The following ARHGAP22 variants were observed in gnomAD, a reference collection of about 807,000 sequenced individuals.
ARHGAP22 encodes the protein Rho GTPase activating protein 22.
Under a neutral mutation model 59.1 loss-of-function variants are expected in ARHGAP22, and 48 were observed. The ratio of observed to expected loss-of-function variants is 0.81; its 90% CI spans 0.64 to 1.03. ARHGAP22 has a LOEUF of 1.03. Ranked by LOEUF, ARHGAP22 falls within the 50% of genes least tolerant of loss-of-function variation. The pLI is 0.00. For synonymous variants in ARHGAP22, 445 were observed against 416.4 expected (o/e 1.07, Z -0.84); for missense variants, 1,015 against 958.7 (o/e 1.06, Z -0.78).
At chr10:48,446,013 A>G (rs2045324227), downstream of ARHGAP22, 1 of 279,650 alleles carries the variant, frequency 3.6e-6, no homozygotes. Flanking sequence ...GGCATGAAAA[A>G]TGAGCCAGGT....
chr10:48,598,567 G>T (rs941833231), intron 1 of ARHGAP22, among the ~76,000 whole-genome samples: 2 of 152,124 alleles, frequency 1.3e-5, no homozygotes, highest in Admixed American at 1.3e-4. Flanking sequence ...GGTGGCAGAC[G>T]GGAAACACCA....
intron 1 of ARHGAP22, among the ~76,000 whole-genome samples, chr10:48,649,157 T>C (rs1011527263): frequency 1.3e-5 from 2 of 152,218 alleles, no homozygotes; most frequent in African/African-American, 4.8e-5. Context: ...TTTCTGAATA[T>C]GGCATCCACC....
intron 1 of ARHGAP22, among the ~76,000 whole-genome samples, chr10:48,618,453 A>G (rs1046333468): frequency 6.6e-6 from 1 of 152,090 alleles, no homozygotes; most frequent in African/African-American, 2.4e-5. Flanking sequence ...TCAACAAAAT[A>G]CTAGCAAACC....
intron 3 of ARHGAP22, among the ~76,000 whole-genome samples, chr10:48,484,037 T>C (rs959629994): frequency 4.6e-5 from 7 of 152,216 alleles, no homozygotes; most frequent in African/African-American, 1.7e-4. Context: ...TTTAATACAT[T>C]TGTAGTTGAT....
chr10:48,619,050 C>T (rs1790804857), intron 1 of ARHGAP22, among the ~76,000 whole-genome samples: 1 of 151,842 alleles, frequency 6.6e-6, no homozygotes, highest in African/African-American at 2.4e-5. Context: ...TTTGTATACA[C>T]CAAAAACGAA....
At chr10:48,442,597 C>T (rs1240390884), downstream of ARHGAP22, among the ~76,000 whole-genome samples, 2 of 152,124 alleles carry the variant, frequency 1.3e-5, no homozygotes, top group African/African-American at 4.8e-5. Context: ...GTGCTGACCC[C>T]GAGGCTCCCC....
intron 3 of ARHGAP22, among the ~76,000 whole-genome samples, chr10:48,505,664 G>A (rs2052036587): frequency 6.6e-6 from 1 of 152,200 alleles, no homozygotes; most frequent in Non-Finnish European, 1.5e-5. Context: ...AACCTAGGAT[G>A]GGTGGATGGG....
At chr10:48,493,545 G>A (rs2050625600) in intron 3 of ARHGAP22, 3 of 1,525,166 alleles carry the variant, frequency 2.0e-6, no homozygotes, top group Middle Eastern at 1.9e-4. Flanking sequence ...CACACCTGTT[G>A]GGGTGCAGAA....
chr10:48,552,670 A>G (rs77447244), intron 3 of ARHGAP22, among the ~76,000 whole-genome samples: 2,451 of 152,340 alleles, frequency 0.016, 70 homozygotes, highest in African/African-American at 0.056. Flanking sequence ...CTAATGGCAG[A>G]GACTGACCCC....
chr10:48,613,014 T>G (rs895964663), intron 1 of ARHGAP22, among the ~76,000 whole-genome samples: 11 of 152,362 alleles, frequency 7.2e-5, no homozygotes, highest in African/African-American at 2.6e-4. Flanking sequence ...TGCTGGATGA[T>G]GCCCTCCTAC....
At chr10:48,432,463 G>A in the ARHGAP22 span, among the ~76,000 whole-genome samples, 3 of 151,288 alleles carry the variant, frequency 2.0e-5, no homozygotes, top group Admixed American at 2.0e-4. Context: ...GGTTTTGACC[G>A]CTTTTACCTA....
At chr10:48,474,262 T>C (rs939644552) in intron 4 of ARHGAP22, among the ~76,000 whole-genome samples, 1 of 152,248 alleles carries the variant, frequency 6.6e-6, no homozygotes, top group Non-Finnish European at 1.5e-5. Context: ...TCATGGCTAC[T>C]GTACACAAAT....
At chr10:48,600,243 G>T (rs913096737) in intron 1 of ARHGAP22, among the ~76,000 whole-genome samples, 6 of 152,112 alleles carry the variant, frequency 3.9e-5, no homozygotes, top group African/African-American at 1.4e-4. Context: ...ACTGTTTGTG[G>T]CCTTTAATGT....
chr10:48,430,399 T>C, the ARHGAP22 span: 1 of 152,276 alleles, frequency 6.6e-6, no homozygotes, highest in Non-Finnish European at 1.5e-5. Flanking sequence ...TGGCCGAAGG[T>C]TCTTCTTAAG....
chr10:48,646,962 T>C (rs2062328308), intron 1 of ARHGAP22, among the ~76,000 whole-genome samples: 1 of 152,178 alleles, frequency 6.6e-6, no homozygotes, highest in African/African-American at 2.4e-5. Flanking sequence ...AGCCACAGAC[T>C]AGGAGAAAAT....
At chr10:48,448,312 T>C (rs950252350) in intron 9 of ARHGAP22, among the ~76,000 whole-genome samples, 1 of 152,178 alleles carries the variant, frequency 6.6e-6, no homozygotes, top group Admixed American at 6.5e-5. Flanking sequence ...TCCGCTCCCC[T>C]CCATGCTGCT....
At chr10:48,552,649 C>G (rs927760384) in intron 3 of ARHGAP22, among the ~76,000 whole-genome samples, 1 of 152,200 alleles carries the variant, frequency 6.6e-6, no homozygotes, top group Non-Finnish European at 1.5e-5. Flanking sequence ...AAGAAAATGT[C>G]CCCAGACTCC....
chr10:48,450,020 C>T (rs1564658161), intron 9 of ARHGAP22, among the ~76,000 whole-genome samples: 2 of 152,256 alleles, frequency 1.3e-5, no homozygotes, highest in Non-Finnish European at 2.9e-5. Context: ...GGCATTCCCA[C>T]TTGCGTGGAG....
At chr10:48,604,121 G>A (rs1308709976) in intron 1 of ARHGAP22, among the ~76,000 whole-genome samples, 1 of 152,212 alleles carries the variant, frequency 6.6e-6, no homozygotes, top group African/African-American at 2.4e-5. Flanking sequence ...AAGTCTTCAG[G>A]TCACTGTGCT....
Sources: allele counts gnomAD v4.1 joint callset (sites outside exome capture counted in the v4.1 genomes callset), GRCh38; gene constraint gnomAD v4.1.1; transcripts MANE v1.5; gene names NCBI Gene and HGNC (gene_info 2026-07-23, HGNC 2026-07-21).